ZFPM1: variants seen among roughly 807,000 people sequenced by gnomAD.
ZFPM1 encodes the protein zinc finger protein ZFPM1.
In ZFPM1, 28 loss-of-function variants were observed where a neutral mutation model predicts 46.3. The observed-to-expected ratio is 0.60, with a 90% CI of 0.45 to 0.83. The LOEUF is 0.83. Among genes scored for constraint, ZFPM1 ranks in the 40% least tolerant of loss-of-function variants. ZFPM1 has a pLI of 0.00. For missense variants in ZFPM1, 1,878 were observed against 1,432.4 expected (o/e 1.31, Z -5.02); for synonymous variants, 957 against 675.9 (o/e 1.42, Z -6.45).
chr16:88,452,814 C>A (rs374080456), upstream of ZFPM1, among the ~76,000 whole-genome samples: 1 of 152,082 alleles, frequency 6.6e-6, no homozygotes, highest in South Asian at 2.1e-4. Context: ...GCGGAGCTGG[C>A]GCCGAGAGGC....
At chr16:88,514,655 T>A in intron 4 of ZFPM1, 135 bp downstream of exon 4, 1 of 1,238,764 alleles carries the variant, frequency 8.1e-7, no homozygotes, top group South Asian at 1.6e-5. Context: ...TATTGGGACC[T>A]GGAGGATAGG....
chr16:88,461,568 G>A (rs192374767), intron 1 of ZFPM1, among the ~76,000 whole-genome samples: 127 of 152,278 alleles, frequency 8.3e-4, no homozygotes, highest in African/African-American at 2.6e-3. Flanking sequence ...GCTGTTGTGT[G>A]GGGTGCAGGC....
chr16:88,472,354 CTT>C (rs761646874), intron 1 of ZFPM1, among the ~76,000 whole-genome samples: 12 of 133,344 alleles, frequency 9.0e-5, no homozygotes, highest in Non-Finnish European at 8.1e-5. Flanking sequence ...TTTGAATTTT[CTT>C]TTTTTTTTTT....
chr16:88,477,450 G>A (rs1359732478), intron 1 of ZFPM1, among the ~76,000 whole-genome samples: 1 of 152,226 alleles, frequency 6.6e-6, no homozygotes, highest in Non-Finnish European at 1.5e-5. Flanking sequence ...CCCATTTCCA[G>A]CAAACTTTCC....
At chr16:88,500,203 C>T (rs561294571) in intron 3 of ZFPM1, among the ~76,000 whole-genome samples, 1 of 151,912 alleles carries the variant, frequency 6.6e-6, no homozygotes, top group Non-Finnish European at 1.5e-5. Context: ...CGGGGGCAGG[C>T]CCACCAGAGT....
At chr16:88,458,688 T>C (rs1481813191) in intron 1 of ZFPM1, among the ~76,000 whole-genome samples, 1 of 152,136 alleles carries the variant, frequency 6.6e-6, no homozygotes, top group Admixed American at 6.5e-5. Context: ...CTCGGGGCCC[T>C]GGTGGGGCTC....
intron 2 of ZFPM1, among the ~76,000 whole-genome samples, chr16:88,487,159 G>A (rs1567534645): frequency 6.6e-6 from 1 of 152,166 alleles, no homozygotes; most frequent in Non-Finnish European, 1.5e-5. Flanking sequence ...GACACATCCA[G>A]AGACCCTGGG....
At chr16:88,527,280 G>C (rs566806703) in intron 5 of ZFPM1, among the ~76,000 whole-genome samples, 2 of 152,346 alleles carry the variant, frequency 1.3e-5, no homozygotes, top group African/African-American at 2.4e-5. Context: ...CACCAGACTG[G>C]CTGGCAGGTG....
intron 4 of ZFPM1, chr16:88,516,251 G>A (rs1362264268): frequency 5.0e-6 from 2 of 398,500 alleles, no homozygotes; most frequent in African/African-American, 4.1e-5. Context: ...TGAGGGGCTG[G>A]CACCGGCCCA....
intron 3 of ZFPM1, among the ~76,000 whole-genome samples, chr16:88,495,828 G>C (rs894398251): frequency 2.6e-5 from 4 of 152,182 alleles, no homozygotes; most frequent in Non-Finnish European, 5.9e-5. Context: ...TCGGGGCCTA[G>C]AGCTTTTTCC....
intron 4 of ZFPM1, among the ~76,000 whole-genome samples, chr16:88,525,560 C>G (rs1185131584): frequency 6.6e-6 from 1 of 152,258 alleles, no homozygotes; most frequent in Non-Finnish European, 1.5e-5. Context: ...TATGCTGTGC[C>G]TCCAGATTGG....
At chr16:88,475,540 G>A (rs1908641747) in intron 1 of ZFPM1, among the ~76,000 whole-genome samples, 1 of 151,838 alleles carries the variant, frequency 6.6e-6, no homozygotes, top group Non-Finnish European at 1.5e-5. Context: ...CCAAGAAAAA[G>A]GGAGGAGGAG....
intron 3 of ZFPM1, among the ~76,000 whole-genome samples, chr16:88,492,842 C>A (rs1357098637): frequency 1.3e-5 from 2 of 152,202 alleles, no homozygotes; most frequent in Non-Finnish European, 2.9e-5. Context: ...CTCCTTCTCC[C>A]AAGGGACACC....
intron 3 of ZFPM1, 187 bp downstream of exon 3, chr16:88,489,340 C>T (rs1909424053): frequency 2.1e-6 from 2 of 930,970 alleles, no homozygotes; most frequent in Non-Finnish European, 3.1e-6. Flanking sequence ...AGCTTGGCAC[C>T]CTCGCGCCAA....
intron 1 of ZFPM1, among the ~76,000 whole-genome samples, chr16:88,483,372 C>T (rs1410958062): frequency 6.6e-6 from 1 of 152,144 alleles, no homozygotes; most frequent in Non-Finnish European, 1.5e-5. Flanking sequence ...CAGGACCCTG[C>T]CTGCCCTCAG....
At chr16:88,491,432 C>T (rs982457304) in intron 3 of ZFPM1, among the ~76,000 whole-genome samples, 1 of 152,218 alleles carries the variant, frequency 6.6e-6, no homozygotes, top group African/African-American at 2.4e-5. Flanking sequence ...GATGGTGACC[C>T]AAGTCTCTGG....
chr16:88,501,051 C>A (rs928920460), intron 3 of ZFPM1, among the ~76,000 whole-genome samples: 2 of 145,612 alleles, frequency 1.4e-5, no homozygotes, highest in African/African-American at 5.2e-5. Flanking sequence ...GACACCACTG[C>A]TGGTGATGGA....
At chr16:88,517,474 G>GAGT (rs1911409188) in intron 4 of ZFPM1, among the ~76,000 whole-genome samples, 1 of 140,376 alleles carries the variant, frequency 7.1e-6, no homozygotes, top group Admixed American at 7.4e-5. Flanking sequence ...ATGGATGGCT[G>GAGT]GGTGGATGGA....
At chr16:88,459,773 C>T (rs865777159) in intron 1 of ZFPM1, among the ~76,000 whole-genome samples, 9 of 58,082 alleles carry the variant, frequency 1.5e-4, no homozygotes, top group Admixed American at 1.7e-4. Flanking sequence ...CTCCCCCTCC[C>T]CCTTCCCCTC....
Sources: gnomAD v4.1 joint callset for allele counts (sites outside exome capture counted in the v4.1 genomes callset) on GRCh38, gnomAD v4.1.1 for gene constraint, MANE v1.5 for transcripts, NCBI Gene and HGNC (gene_info 2026-07-23, HGNC 2026-07-21) for gene names.